Variants in QKI observed in about 807,000 individuals in gnomAD.
The protein encoded by QKI is QKI, KH domain containing RNA binding.
QKI carries 10 observed loss-of-function variants against 39.0 expected under a neutral mutation model. The ratio of observed to expected loss-of-function variants is 0.26; its 90% CI spans 0.16 to 0.43. The LOEUF (loss-of-function observed/expected upper bound fraction) is 0.43, where lower values mean the gene tolerates loss of function less well. QKI is among the 20% of genes least tolerant of loss of function. The pLI is 1.00. For synonymous variants in QKI, 204 were observed against 155.4 expected (o/e 1.31, Z -2.33); for missense variants, 218 against 428.0 (o/e 0.51, Z 4.33).
In QKI at chr6:163,577,880, C is replaced by T. The variant is rs1205680331; in HGVS notation, c.*7170C>T. 6.6e-6 allele frequency: 1 copy of T among 152,154 alleles called. No individual in the cohort carries two copies. The highest frequency in any genetic ancestry group is 2.4e-5 in the African/African-American group (1 of 41,442). 9.4% of individuals were successfully genotyped at this position (152,154 alleles called of 1,614,324 possible). ...TGGAAGCACTAGACATTTGGATTTC[C>T]TTCCTAACGTAATTTTTAATGATTA... On this transcript the variant is annotated 3_prime_UTR_variant, in exon 8 of 8. Transcript: ENST00000361752.
chr6:163,467,597 T>C (rs1251643046), intron 2 of QKI, among the ~76,000 whole-genome samples: 2 of 152,240 alleles, frequency 1.3e-5, no homozygotes, highest in African/African-American at 4.8e-5. Context: ...CAAAAATGTT[T>C]ATAAAGGCCT....
At chr6:163,477,020 G>T (rs68098840) in intron 2 of QKI, among the ~76,000 whole-genome samples, 17,717 of 53,760 alleles carry the variant, frequency 0.33, 1,747 homozygotes, top group Non-Finnish European at 0.4. Flanking sequence ...GTTTTGTTTT[G>T]TTTTTTTTTT....
chr6:163,547,756 C>T (rs1258132940), intron 4 of QKI, among the ~76,000 whole-genome samples: 5 of 152,126 alleles, frequency 3.3e-5, no homozygotes, highest in Non-Finnish European at 7.4e-5. Flanking sequence ...GATTCTACCT[C>T]CAAATAGCAC....
intron 1 of QKI, among the ~76,000 whole-genome samples, chr6:163,451,873 C>G (rs755775257): frequency 6.6e-6 from 1 of 152,134 alleles, no homozygotes; most frequent in African/African-American, 2.4e-5. Flanking sequence ...ATTTCCCAAA[C>G]CCGTACTCGT....
chr6:163,438,077 A>G (rs907126408), intron 1 of QKI, among the ~76,000 whole-genome samples: 2 of 152,232 alleles, frequency 1.3e-5, no homozygotes, highest in African/African-American at 4.8e-5. Flanking sequence ...TTAACCTGTT[A>G]CATTCTACCT....
At chr6:163,415,591 T>C (rs1197035570) in intron 1 of QKI, among the ~76,000 whole-genome samples, 1 of 151,460 alleles carries the variant, frequency 6.6e-6, no homozygotes, top group African/African-American at 2.4e-5. Context: ...AGTTGGCGCG[T>C]TGCGGAGGGC....
At chr6:163,509,768 A>G (rs1779319786) in intron 3 of QKI, among the ~76,000 whole-genome samples, 1 of 152,142 alleles carries the variant, frequency 6.6e-6, no homozygotes, top group South Asian at 2.1e-4. Context: ...CCGGAAGGGA[A>G]GCTAAGGAAC....
chr6:163,439,355 C>CGGG (rs545402591), intron 1 of QKI, among the ~76,000 whole-genome samples: 23 of 103,228 alleles, frequency 2.2e-4, no homozygotes, highest in African/African-American at 7.5e-4. Context: ...TTTTTTTTTT[C>CGGG]GGGGGGGTGG....
Position 163,552,206 on chromosome 6 carries a change from C to CTTT in QKI, c.547-9756_547-9754dup, listed in dbSNP as rs35060699. ...TGGATCATCATAAAGTTCGTTCGTT[C>CTTT]TTTTTTTTTTTTTTTTTTTTTTGAC... On this transcript the variant is annotated intron_variant, in intron 4 of 7. Coordinates refer to ENST00000361752, the MANE Select transcript of QKI (RefSeq NM_006775.3). 7.7e-3 allele frequency among the ~76,000 whole-genome samples: 780 copies of CTTT among 101,740 alleles called. 55 individuals are homozygous for CTTT. The highest frequency in any genetic ancestry group is 0.022 in the African/African-American group (575 of 26,310). The allele number at this position is 101,740 out of a possible 152,430, so 66.7% of individuals were successfully genotyped here.
chr6:163,422,608 T>C (rs1209929993), intron 1 of QKI, among the ~76,000 whole-genome samples: 1 of 152,136 alleles, frequency 6.6e-6, no homozygotes, highest in Admixed American at 6.5e-5. Context: ...AACATCAAAA[T>C]GCAGTTACAT....
Position 163,578,084 on chromosome 6 carries a change from A to G in QKI, c.*7374A>G, listed in dbSNP as rs1026291760. 8.5e-5 allele frequency: 13 copies of G among 152,120 alleles called. No individual in the cohort carries two copies. Among genetic ancestry groups the G allele is most frequent in the Non-Finnish European group, 1.5e-4 (10 of 68,028 alleles). 9.4% of individuals were successfully genotyped at this position (152,120 alleles called of 1,614,324 possible). A position where few individuals can be genotyped will look rare whatever the true frequency, so the allele number is the denominator to read the frequency against. On this transcript the variant is annotated 3_prime_UTR_variant, in exon 8 of 8. Transcript: ENST00000361752. ...TTTAATGCTATTTTGTGAACTGTAT[A>G]CCCTCTGAAAGCGCTTATTTTTACA... is the stretch of plus-strand genomic sequence containing the variant.
intron 4 of QKI, among the ~76,000 whole-genome samples, chr6:163,549,395 CAACA>C (rs1782089552): frequency 6.6e-6 from 1 of 151,990 alleles, no homozygotes; most frequent in Non-Finnish European, 1.5e-5. Context: ...AGTAAAAGAC[CAACA>C]GCTAGAAAAC....
At chr6:163,441,973 G>C (rs990766749) in intron 1 of QKI, among the ~76,000 whole-genome samples, 1 of 152,230 alleles carries the variant, frequency 6.6e-6, no homozygotes, top group Non-Finnish European at 1.5e-5. Flanking sequence ...GAAATCATTA[G>C]AGCAGTGGTT....
intron 7 of QKI, chr6:163,568,585 T>G (rs1783516654): frequency 1.0e-6 from 1 of 977,764 alleles, no homozygotes; most frequent in Non-Finnish European, 1.2e-6. Context: ...GTCCTTCACT[T>G]AAATTATTTT....
intron 3 of QKI, among the ~76,000 whole-genome samples, chr6:163,510,876 A>G (rs922060926): frequency 1.1e-4 from 17 of 150,688 alleles, no homozygotes; most frequent in African/African-American, 3.9e-4. Flanking sequence ...TCAGCAACTA[A>G]TAAAAAAAAA....
At chr6:163,485,652 T>G (rs1777615611) in intron 3 of QKI, among the ~76,000 whole-genome samples, 1 of 152,200 alleles carries the variant, frequency 6.6e-6, no homozygotes, top group Non-Finnish European at 1.5e-5. Flanking sequence ...CTGTCCTTCC[T>G]TCTCTCCCAT....
intron 1 of QKI, among the ~76,000 whole-genome samples, chr6:163,445,985 T>C (rs1053841329): frequency 2.0e-5 from 3 of 152,212 alleles, no homozygotes; most frequent in African/African-American, 7.2e-5. Flanking sequence ...TCTGTCAGAT[T>C]TCTCCACTGT....
chr6:163,415,853 T>G, intron 1 of QKI: 1 of 494,688 alleles, frequency 2.0e-6, no homozygotes, highest in Non-Finnish European at 4.0e-6. Flanking sequence ...AAGCGGGGTT[T>G]CGTGGTTGGG....
At chr6:163,526,871 A>G (rs1290136806) in intron 3 of QKI, among the ~76,000 whole-genome samples, 1 of 152,206 alleles carries the variant, frequency 6.6e-6, no homozygotes, top group Non-Finnish European at 1.5e-5. Flanking sequence ...GTTTAGACAT[A>G]AAGTAATTAA....
Sources: gnomAD v4.1 joint callset for allele counts (sites outside exome capture counted in the v4.1 genomes callset) on GRCh38, gnomAD v4.1.1 for gene constraint, MANE v1.5 for transcripts, NCBI Gene and HGNC (gene_info 2026-07-23, HGNC 2026-07-21) for gene names.